ROBO1: variants seen among roughly 807,000 people sequenced by gnomAD.
ROBO1 encodes the protein roundabout homolog 1.
ROBO1 carries 149 observed loss-of-function variants against 195.9 expected under a neutral mutation model. The ratio of observed to expected loss-of-function variants is 0.76; its 90% CI spans 0.67 to 0.87. The LOEUF (loss-of-function observed/expected upper bound fraction) is 0.87. ROBO1 is among the 40% of genes least tolerant of loss of function. The pLI is 0.00. For synonymous variants in ROBO1, 816 were observed against 733.2 expected, an observed-to-expected ratio of 1.11 and a Z score of -1.82; for missense variants, 1,933 against 2,068.3, an observed-to-expected ratio of 0.93 and a Z score of 1.27.
chr3:79,327,952 T>C (rs1260926245), intron 2 of ROBO1, among the ~76,000 whole-genome samples: 1 of 152,230 alleles, frequency 6.6e-6, no homozygotes, highest in Non-Finnish European at 1.5e-5. Flanking sequence ...TTAAATTTCC[T>C]ATATAATACA....
intron 19 of ROBO1, among the ~76,000 whole-genome samples, chr3:78,650,585 T>G (rs1706582573): frequency 6.6e-6 from 1 of 152,180 alleles, no homozygotes; most frequent in African/African-American, 2.4e-5. Flanking sequence ...TCTGACTTTG[T>G]CATATAATTG....
intron 2 of ROBO1, among the ~76,000 whole-genome samples, chr3:79,399,660 A>G (rs2037288622): frequency 6.6e-6 from 1 of 152,132 alleles, no homozygotes; most frequent in African/African-American, 2.4e-5. Flanking sequence ...ATGACCACAT[A>G]TCTCACACTC....
intron 2 of ROBO1, among the ~76,000 whole-genome samples, chr3:79,565,921 A>T (rs878932005): frequency 1.3e-5 from 2 of 152,258 alleles, no homozygotes; most frequent in Admixed American, 1.3e-4. Flanking sequence ...AATTAAATGA[A>T]ACCACAAGTC....
intron 3 of ROBO1, among the ~76,000 whole-genome samples, chr3:79,021,713 T>A (rs1052068095): frequency 1.4e-5 from 2 of 141,808 alleles, no homozygotes; most frequent in African/African-American, 5.3e-5. Flanking sequence ...CAGGCTGGAG[T>A]GCAGTGGCGC....
chr3:78,811,394 A>G (rs996446794), intron 4 of ROBO1, among the ~76,000 whole-genome samples: 6 of 152,186 alleles, frequency 3.9e-5, no homozygotes, highest in Non-Finnish European at 8.8e-5. Flanking sequence ...AACGTTTGCT[A>G]CTTGGAAGTA....
rs1480878445 is a variant in ROBO1, at chr3:78,790,407, AATTAC to A, written c.500-43512_500-43508del. Among the ~76,000 whole-genome samples, 6 of 152,300 alleles carry A rather than the reference AATTAC, an allele frequency of 3.9e-5. No individual in the cohort carries two copies. The South Asian group carries it at 1.0e-3, about 26-fold the overall frequency. On this transcript the variant is annotated intron_variant, in intron 4 of 30. Transcript: ENST00000464233. ...TTGATACAGGCATACAATGTATAAT[AATTAC>A]ATTAGAGTACATGAGATATTCATCA...
chr3:79,554,673 C>A (rs1942636934), intron 2 of ROBO1, among the ~76,000 whole-genome samples: 1 of 151,940 alleles, frequency 6.6e-6, no homozygotes, highest in Non-Finnish European at 1.5e-5. Flanking sequence ...TAGGGAGACT[C>A]CTATTATTCA....
chr3:79,150,089 A>C (rs1008128318), intron 2 of ROBO1, among the ~76,000 whole-genome samples: 2 of 151,776 alleles, frequency 1.3e-5, no homozygotes, highest in African/African-American at 4.8e-5. Context: ...TGTCAGTTGC[A>C]GTTCAGATTT....
At chr3:78,673,611 CAT>C (rs1359112575) in intron 10 of ROBO1, among the ~76,000 whole-genome samples, 2 of 88,586 alleles carry the variant, frequency 2.3e-5, no homozygotes, top group South Asian at 3.7e-4. Context: ...TATATACACA[CAT>C]ATATTACAGC....
intron 3 of ROBO1, among the ~76,000 whole-genome samples, chr3:78,946,756 G>C (rs2040467391): frequency 6.6e-6 from 1 of 152,176 alleles, no homozygotes; most frequent in African/African-American, 2.4e-5. Flanking sequence ...AGACCCATCA[G>C]TGTGCTGTAT....
At chr3:78,721,968 T>C (rs1352872527) in intron 5 of ROBO1, among the ~76,000 whole-genome samples, 1 of 151,978 alleles carries the variant, frequency 6.6e-6, no homozygotes, top group Non-Finnish European at 1.5e-5. Flanking sequence ...TTCACAGACA[T>C]GAAAAAATTC....
chr3:79,167,387 C>T (rs1453886705), intron 2 of ROBO1, among the ~76,000 whole-genome samples: 1 of 152,136 alleles, frequency 6.6e-6, no homozygotes, highest in African/African-American at 2.4e-5. Context: ...TCTAGTAAAA[C>T]TTCTTTGTGT....
intron 4 of ROBO1, among the ~76,000 whole-genome samples, chr3:78,891,784 T>C (rs2036912082): frequency 6.6e-6 from 1 of 152,224 alleles, no homozygotes; most frequent in Admixed American, 6.5e-5. Flanking sequence ...TATTGATGTG[T>C]GTAAACTCAT....
At chr3:79,584,668 T>TAC (rs1171863084) in intron 2 of ROBO1, among the ~76,000 whole-genome samples, 15 of 145,800 alleles carry the variant, frequency 1.0e-4, no homozygotes, top group African/African-American at 3.6e-4. Flanking sequence ...CACATACACG[T>TAC]ACACACATAC....
chr3:78,819,454 A>AAC (rs1553739456), intron 4 of ROBO1, among the ~76,000 whole-genome samples: 8 of 151,602 alleles, frequency 5.3e-5, no homozygotes, highest in Non-Finnish European at 7.4e-5. Context: ...ACAAAAAAAA[A>AAC]AAAACAAAAC....
chr3:78,815,067 T>G (rs1293078801), intron 4 of ROBO1, among the ~76,000 whole-genome samples: 1 of 152,116 alleles, frequency 6.6e-6, no homozygotes, highest in Non-Finnish European at 1.5e-5. Flanking sequence ...TTTGTTCAGG[T>G]TCAGACTGTT....
At chr3:78,756,132 C>T (rs6762005) in intron 4 of ROBO1, among the ~76,000 whole-genome samples, 78,619 of 151,766 alleles carry the variant, frequency 0.52, 20,747 homozygotes, top group East Asian at 0.75. Flanking sequence ...ATAATACAGA[C>T]ACGTGACATA....
chr3:79,440,137 C>G (rs2107115949), intron 2 of ROBO1, among the ~76,000 whole-genome samples: 1 of 152,156 alleles, frequency 6.6e-6, no homozygotes, highest in Middle Eastern at 3.4e-3. Flanking sequence ...CCAGTCTTCA[C>G]GCTGTTGTGA....
chr3:78,847,680 T>C (rs1245887413), intron 4 of ROBO1, among the ~76,000 whole-genome samples: 1 of 152,124 alleles, frequency 6.6e-6, no homozygotes, highest in Admixed American at 6.6e-5. Flanking sequence ...GAGAGAGTGG[T>C]ATTATTATAC....
Sources: allele counts gnomAD v4.1 joint callset (sites outside exome capture counted in the v4.1 genomes callset), GRCh38; gene constraint gnomAD v4.1.1; transcripts MANE v1.5; gene names NCBI Gene and HGNC (gene_info 2026-07-23, HGNC 2026-07-21).